Variants in CASP5 observed in about 807,000 individuals in gnomAD.
CASP5 encodes caspase-5.
In CASP5, 42 loss-of-function variants were observed where a neutral mutation model predicts 45.2. The observed-to-expected ratio is 0.93, with a 90% CI of 0.73 to 1.20. The LOEUF (loss-of-function observed/expected upper bound fraction) is 1.20. Among genes scored for constraint, CASP5 ranks in the 50% most tolerant of loss-of-function variants. CASP5 has a pLI of 0.00. For missense variants in CASP5, 512 were observed against 532.2 expected (o/e 0.96, Z 0.37); for synonymous variants, 209 against 186.2 (o/e 1.12, Z -1.00).
At chr11:105,022,233 C>T (rs866138140) in intron 1 of CASP5, among the ~76,000 whole-genome samples, 1 of 150,920 alleles carries the variant, frequency 6.6e-6, no homozygotes, top group Admixed American at 6.6e-5. Flanking sequence ...GTGGGTGCAG[C>T]CCACCAGCAT....
intron 7 of CASP5, among the ~76,000 whole-genome samples, 181 bp downstream of exon 7, chr11:104,998,704 G>C (rs1861582285): frequency 6.6e-6 from 1 of 152,116 alleles, no homozygotes; most frequent in South Asian, 2.1e-4. Context: ...TTTTTAAAAT[G>C]TGTGTGTGGG....
At chr11:105,009,781 ATATATACACACG>A (rs1192091938) in intron 1 of CASP5, among the ~76,000 whole-genome samples, 2 of 122,416 alleles carry the variant, frequency 1.6e-5, no homozygotes, top group African/African-American at 6.6e-5. Context: ...GTATATATAT[ATATATACACACG>A]TATATATATA....
chr11:105,001,744 C>T (rs1194813125), intron 5 of CASP5, among the ~76,000 whole-genome samples: 1 of 152,182 alleles, frequency 6.6e-6, no homozygotes, highest in African/African-American at 2.4e-5. Context: ...GGCTACATCC[C>T]AATCACCTGA....
At chr11:105,004,883 G>T (rs765426776) in intron 3 of CASP5, among the ~76,000 whole-genome samples, 10 of 152,032 alleles carry the variant, frequency 6.6e-5, no homozygotes, top group Non-Finnish European at 1.5e-4. Context: ...ACTGGTCTGA[G>T]GGTATGTTTT....
At chr11:105,011,635 G>A (rs561690891) in intron 1 of CASP5, among the ~76,000 whole-genome samples, 1 of 151,528 alleles carries the variant, frequency 6.6e-6, no homozygotes, top group African/African-American at 2.4e-5. Flanking sequence ...GCAAAAATTA[G>A]TATCATTTTT....
intron 8 of CASP5, among the ~76,000 whole-genome samples, chr11:104,996,800 AAGT>A (rs1476794755): frequency 6.6e-6 from 1 of 152,146 alleles, no homozygotes; most frequent in African/African-American, 2.4e-5. Context: ...GGAGAAAATA[AAGT>A]AGGAAGGATG....
chr11:104,997,312 C>T (rs1347378622), intron 8 of CASP5, 71 bp downstream of exon 8: 15 of 1,095,826 alleles, frequency 1.4e-5, no homozygotes, highest in South Asian at 8.8e-5. Flanking sequence ...CATTTTTATT[C>T]GATTAGTGAA....
At chr11:105,011,871 A>T (rs1235869310) in intron 1 of CASP5, among the ~76,000 whole-genome samples, 1 of 151,772 alleles carries the variant, frequency 6.6e-6, no homozygotes, top group South Asian at 2.1e-4. Flanking sequence ...CTACCCAAGA[A>T]ATCTATGAAT....
intron 1 of CASP5, among the ~76,000 whole-genome samples, chr11:105,009,788 C>CAT (rs1339963908): frequency 2.5e-5 from 2 of 80,886 alleles, no homozygotes; most frequent in Admixed American, 2.3e-4. Context: ...TATATATATA[C>CAT]ACACGTATAT....
rs758141960 is a variant in CASP5 at position 105,002,111 on chromosome 11, C to A, written c.634G>T (p.Ala212Ser). The part of the protein sequence containing the change: ...KFDHLPARNG[A>S]HYDIVGMKRL... ...TTCATCCCCACGATGTCATAGTGAGCCCCATTCCTTGCAGGCAGGTGATCA... is the reference window on the plus strand; with the variant it reads ...TTCATCCCCACGATGTCATAGTGAGACCCATTCCTTGCAGGCAGGTGATCA... Residue 212 changes from alanine (A) to serine (S), a missense_variant, in exon 5 of 10, where the codon GCT becomes TCT. By Grantham distance (99) the Ala-to-Ser change is moderately conservative. Transcript: ENST00000260315. 6.2e-7 allele frequency: 1 copy of A among 1,614,106 alleles called. No individual in the cohort carries two copies. The highest frequency in any genetic ancestry group is 1.1e-5 in the South Asian group (1 of 91,084).
chr11:105,009,013 G>A (rs370525107), intron 1 of CASP5, 33 bp from the exon 2 acceptor site: 3 of 1,603,704 alleles, frequency 1.9e-6, no homozygotes, highest in Non-Finnish European at 2.6e-6. Context: ...TTCAACTCTG[G>A]GCACAGCTTA....
At chr11:105,009,800 T>TATATATACACACAC (rs1862216648) in intron 1 of CASP5, among the ~76,000 whole-genome samples, 2 of 112,390 alleles carry the variant, frequency 1.8e-5, no homozygotes, top group Non-Finnish European at 3.5e-5. Context: ...CACGTATATA[T>TATATATACACACAC]ATATATACAC....
At chr11:105,006,241 C>T (rs1390037425) in intron 3 of CASP5, among the ~76,000 whole-genome samples, 1 of 152,118 alleles carries the variant, frequency 6.6e-6, no homozygotes, top group African/African-American at 2.4e-5. Flanking sequence ...TTTTGTAACT[C>T]ACAGAAATGA....
chr11:105,015,190 A>G (rs1295877945), intron 1 of CASP5, among the ~76,000 whole-genome samples: 1 of 152,106 alleles, frequency 6.6e-6, no homozygotes, highest in African/African-American at 2.4e-5. Context: ...ACCTAGATTC[A>G]CTCTTCTCAA....
intron 1 of CASP5, among the ~76,000 whole-genome samples, chr11:105,014,287 C>G (rs1260125608): frequency 7.3e-6 from 1 of 136,966 alleles, no homozygotes; most frequent in Admixed American, 7.8e-5. Flanking sequence ...AAGTCTAAGA[C>G]CAGATGGCAT....
intron 3 of CASP5, 26 bp from the exon 4 acceptor site, chr11:105,003,409 T>G: frequency 7.5e-7 from 1 of 1,335,908 alleles, no homozygotes; most frequent in Admixed American, 2.0e-5. Context: ...AAATATAAAT[T>G]ATGGTTTCTG....
chr11:105,009,859 A>G (rs1047656315), intron 1 of CASP5, among the ~76,000 whole-genome samples: 1 of 139,980 alleles, frequency 7.1e-6, no homozygotes, highest in Non-Finnish European at 1.5e-5. Context: ...ATACACATAT[A>G]TATACATATA....
intron 1 of CASP5, among the ~76,000 whole-genome samples, chr11:105,009,852 CACATATATATACAT>C (rs1862232749): frequency 7.5e-6 from 1 of 133,974 alleles, no homozygotes; most frequent in East Asian, 2.2e-4. Flanking sequence ...CATATATATA[CACATATATATACAT>C]ATATATACAC....
intron 9 of CASP5, among the ~76,000 whole-genome samples, chr11:104,994,815 C>T (rs893182027): frequency 4.6e-5 from 7 of 152,242 alleles, no homozygotes; most frequent in African/African-American, 1.7e-4. Context: ...ATGATTCACT[C>T]TCCAACTCTG....
Sources: allele counts gnomAD v4.1 joint callset (sites outside exome capture counted in the v4.1 genomes callset), GRCh38; gene constraint gnomAD v4.1.1; transcripts MANE v1.5; gene names NCBI Gene and HGNC (gene_info 2026-07-23, HGNC 2026-07-21).